AMOTL1: variants seen among roughly 807,000 people sequenced by gnomAD.
AMOTL1 encodes the protein angiomotin like 1.
In AMOTL1, 45 loss-of-function variants were observed where a neutral mutation model predicts 102.9. The observed-to-expected ratio is 0.44, with a 90% CI of 0.34 to 0.56. AMOTL1 has a LOEUF of 0.56. Ranked by LOEUF, AMOTL1 falls within the 20% of genes least tolerant of loss-of-function variation. The probability of loss-of-function intolerance (pLI) is 0.01; values close to 1 mark genes in which losing one functional copy is unlikely to be tolerated. For missense variants in AMOTL1, 1,114 were observed against 1,225.6 expected, an observed-to-expected ratio of 0.91 and a Z score of 1.36; for synonymous variants, 481 against 484.7, an observed-to-expected ratio of 0.99 and a Z score of 0.10.
At chr11:94,805,914 A>T (rs1951560650) in intron 3 of AMOTL1, among the ~76,000 whole-genome samples, 1 of 152,210 alleles carries the variant, frequency 6.6e-6, no homozygotes, top group African/African-American at 2.4e-5. Context: ...GACAGCCATC[A>T]CCACCACCTT....
intron 1 of AMOTL1, among the ~76,000 whole-genome samples, chr11:94,778,184 C>T (rs949144114): frequency 2.0e-5 from 3 of 152,092 alleles, no homozygotes; most frequent in Non-Finnish European, 4.4e-5. Context: ...AGAGTTCTCT[C>T]CTGGGGAGGG....
chr11:94,768,685 G>C, intron 1 of AMOTL1, 125 bp downstream of exon 1: 1 of 1,359,194 alleles, frequency 7.4e-7, no homozygotes, highest in Non-Finnish European at 1.0e-6. Context: ...GGGGCCCGGG[G>C]CTGAGATCCC....
At chr11:94,819,860 T>A (rs1395777709) in intron 3 of AMOTL1, among the ~76,000 whole-genome samples, 2 of 152,206 alleles carry the variant, frequency 1.3e-5, no homozygotes, top group African/African-American at 4.8e-5. Context: ...TAGGAGCCCT[T>A]GGCTTAGGTT....
intron 4 of AMOTL1, among the ~76,000 whole-genome samples, chr11:94,824,071 T>C (rs1951918910): frequency 6.6e-6 from 1 of 152,176 alleles, no homozygotes; most frequent in Admixed American, 6.5e-5. Context: ...AAAACTAAAG[T>C]GGCTTAATCT....
intron 1 of AMOTL1, among the ~76,000 whole-genome samples, chr11:94,723,944 G>A (rs923229111): frequency 2.6e-5 from 4 of 152,110 alleles, no homozygotes; most frequent in African/African-American, 4.8e-5. Context: ...ACGGAAACTC[G>A]TCAGAACCAA....
intron 2 of AMOTL1, among the ~76,000 whole-genome samples, chr11:94,796,329 A>AC (rs772975067): frequency 6.6e-6 from 1 of 152,094 alleles, no homozygotes; most frequent in Admixed American, 6.5e-5. Flanking sequence ...AGCTTCAGGA[A>AC]CCAGTGTGTA....
intron 3 of AMOTL1, among the ~76,000 whole-genome samples, chr11:94,755,993 G>T: frequency 6.6e-6 from 1 of 152,174 alleles, no homozygotes; most frequent in Non-Finnish European, 1.5e-5. Context: ...GAGTGGTGGA[G>T]GTAGCTCTGA....
At chr11:94,818,524 C>G (rs1951805610) in intron 3 of AMOTL1, among the ~76,000 whole-genome samples, 1 of 152,214 alleles carries the variant, frequency 6.6e-6, no homozygotes, top group Non-Finnish European at 1.5e-5. Context: ...TGCAAATACT[C>G]AGGCCAAGTA....
chr11:94,762,243 G>C (rs1267737300), intron 3 of AMOTL1, among the ~76,000 whole-genome samples: 1 of 152,252 alleles, frequency 6.6e-6, no homozygotes, highest in East Asian at 1.9e-4. Context: ...GATTCACCCA[G>C]TATCTCAATG....
At chr11:94,754,833 T>A (rs1388750568) in intron 3 of AMOTL1, among the ~76,000 whole-genome samples, 1 of 152,236 alleles carries the variant, frequency 6.6e-6, no homozygotes, top group Admixed American at 6.5e-5. Context: ...AGTATAAGTA[T>A]GTCCACTACA....
chr11:94,780,526 T>C (rs984781268), intron 1 of AMOTL1, among the ~76,000 whole-genome samples: 8 of 152,356 alleles, frequency 5.3e-5, no homozygotes, highest in African/African-American at 1.9e-4. Context: ...TCTAAAAGCT[T>C]TCATCTCTTA....
intron 3 of AMOTL1, among the ~76,000 whole-genome samples, chr11:94,754,820 T>C (rs1444743800): frequency 6.6e-6 from 1 of 152,240 alleles, no homozygotes; most frequent in African/African-American, 2.4e-5. Flanking sequence ...GAATATTTTT[T>C]TTAGTATAAG....
chr11:94,767,904 T>C (rs1950875344), upstream of AMOTL1, among the ~76,000 whole-genome samples: 1 of 152,050 alleles, frequency 6.6e-6, no homozygotes, highest in African/African-American at 2.4e-5. Flanking sequence ...CTCAAGTGCG[T>C]GATGGAAGCA....
chr11:94,804,583 C>T (rs1196726396), intron 3 of AMOTL1, among the ~76,000 whole-genome samples: 1 of 152,172 alleles, frequency 6.6e-6, no homozygotes, highest in Non-Finnish European at 1.5e-5. Flanking sequence ...AACACTGCAC[C>T]CTGCCTGCAA....
intron 6 of AMOTL1, among the ~76,000 whole-genome samples, chr11:94,845,571 G>A (rs1198031828): frequency 6.6e-6 from 1 of 152,178 alleles, no homozygotes; most frequent in East Asian, 1.9e-4. Context: ...GGCATTTTAT[G>A]GGTACTTATT....
chr11:94,794,937 G>C, intron 1 of AMOTL1, 74 bp from the exon 2 acceptor site: 1 of 1,461,526 alleles, frequency 6.8e-7, no homozygotes, highest in Non-Finnish European at 9.2e-7. Context: ...ATGCCTGGTG[G>C]GTTCTTGTGA....
intron 7 of AMOTL1, among the ~76,000 whole-genome samples, chr11:94,853,486 T>A (rs1439500405): frequency 6.6e-6 from 1 of 152,246 alleles, no homozygotes; most frequent in African/African-American, 2.4e-5. Context: ...ATCTCATTCC[T>A]TTTTATGGCT....
intron 3 of AMOTL1, among the ~76,000 whole-genome samples, chr11:94,815,868 A>G (rs559402223): frequency 6.6e-6 from 1 of 152,248 alleles, no homozygotes; most frequent in African/African-American, 2.4e-5. Context: ...TTCAGGACAA[A>G]CCAGAAAGTC....
At chr11:94,839,208 T>G (rs1592020329) in intron 6 of AMOTL1, among the ~76,000 whole-genome samples, 1 of 152,216 alleles carries the variant, frequency 6.6e-6, no homozygotes, top group East Asian at 1.9e-4. Flanking sequence ...CTCCCCAGTT[T>G]CCATCCTTCA....
Sources: gnomAD v4.1 joint callset for allele counts (sites outside exome capture counted in the v4.1 genomes callset) on GRCh38, gnomAD v4.1.1 for gene constraint, MANE v1.5 for transcripts, NCBI Gene and HGNC (gene_info 2026-07-23, HGNC 2026-07-21) for gene names.